The following LINGO2 variants were observed in gnomAD, a reference collection of about 807,000 sequenced individuals.
LINGO2 encodes the protein leucine-rich repeat and immunoglobulin-like domain-containing nogo receptor-interacting protein 2.
In LINGO2, 14 loss-of-function variants were observed where a neutral mutation model predicts 30.6. The ratio of observed to expected loss-of-function variants is 0.46; its 90% CI spans 0.30 to 0.72. The LOEUF is 0.72. LINGO2 is among the 30% of genes least tolerant of loss of function. The probability of loss-of-function intolerance (pLI) is 0.07; values close to 1 mark genes in which losing one functional copy is unlikely to be tolerated. For missense variants in LINGO2, 729 were observed against 751.7 expected (o/e 0.97, Z 0.35); for synonymous variants, 317 against 288.5 (o/e 1.10, Z -1.00).
At chr9:28,150,046 A>G (rs1312139905) in intron 4 of LINGO2, among the ~76,000 whole-genome samples, 4 of 150,732 alleles carry the variant, frequency 2.7e-5, no homozygotes, top group African/African-American at 9.8e-5. Context: ...ACCATCTGGG[A>G]AATGAGGAGC....
chr9:28,360,478 T>C (rs1054248854), intron 3 of LINGO2, among the ~76,000 whole-genome samples: 1 of 152,196 alleles, frequency 6.6e-6, no homozygotes, highest in Non-Finnish European at 1.5e-5. Flanking sequence ...GTCCTTCAGC[T>C]TTTTAGGATC....
intron 1 of LINGO2, among the ~76,000 whole-genome samples, chr9:28,479,920 T>TGTAG (rs1380359457): frequency 4.3e-5 from 3 of 69,290 alleles, no homozygotes; most frequent in African/African-American, 1.8e-4. Context: ...GGTATATATA[T>TGTAG]ATATATATAT....
intron 1 of LINGO2, among the ~76,000 whole-genome samples, chr9:28,642,947 A>C (rs1419384842): frequency 2.0e-5 from 3 of 152,146 alleles, no homozygotes; most frequent in Admixed American, 2.0e-4. Flanking sequence ...AATTAACAAA[A>C]GATCACTGGT....
At chr9:27,985,574 T>A (rs1269462658) in intron 5 of LINGO2, among the ~76,000 whole-genome samples, 1 of 151,734 alleles carries the variant, frequency 6.6e-6, no homozygotes, top group Admixed American at 6.6e-5. Context: ...TTTTTTGACA[T>A]TAATTAGCAA....
chr9:28,812,455 T>C, the LINGO2 span, among the ~76,000 whole-genome samples: 4 of 152,302 alleles, frequency 2.6e-5, no homozygotes, highest in East Asian at 7.7e-4. Context: ...CTATGCCCCA[T>C]TCGCCTGAGA....
At chr9:28,136,612 G>A (rs1827524832) in intron 4 of LINGO2, among the ~76,000 whole-genome samples, 1 of 152,158 alleles carries the variant, frequency 6.6e-6, no homozygotes, top group Non-Finnish European at 1.5e-5. Flanking sequence ...AAGCTTTAGA[G>A]AGAATTCCTC....
At chr9:28,723,790 T>C in the LINGO2 span, among the ~76,000 whole-genome samples, 4 of 152,054 alleles carry the variant, frequency 2.6e-5, no homozygotes, top group Non-Finnish European at 4.4e-5. Flanking sequence ...AGTATGGAAA[T>C]AGGTATGTTG....
intron 4 of LINGO2, among the ~76,000 whole-genome samples, chr9:28,031,682 T>C (rs1823679423): frequency 6.6e-6 from 1 of 152,212 alleles, no homozygotes; most frequent in African/African-American, 2.4e-5. Flanking sequence ...CTGCTCTGTC[T>C]GTGTCGGCTA....
At chr9:29,085,939 C>T in the LINGO2 span, among the ~76,000 whole-genome samples, 2 of 152,028 alleles carry the variant, frequency 1.3e-5, no homozygotes, top group Admixed American at 6.6e-5. Flanking sequence ...GTTCCAAATC[C>T]GTCTTATCAT....
intron 5 of LINGO2, among the ~76,000 whole-genome samples, chr9:27,966,703 G>T (rs193100317): frequency 1.3e-5 from 2 of 152,100 alleles, no homozygotes; most frequent in Admixed American, 1.3e-4. Context: ...AAACCTGCAT[G>T]TTCAGCACAC....
chr9:28,082,648 T>A (rs1264217859), intron 4 of LINGO2, among the ~76,000 whole-genome samples: 1 of 152,020 alleles, frequency 6.6e-6, no homozygotes, highest in Non-Finnish European at 1.5e-5. Context: ...CTAATCAGAG[T>A]TGTATTATTT....
the LINGO2 span, among the ~76,000 whole-genome samples, chr9:29,175,042 T>C: frequency 6.6e-6 from 1 of 152,018 alleles, no homozygotes; most frequent in Admixed American, 6.6e-5. Context: ...GAGGGGACAA[T>C]GAGGTTGGGA....
At chr9:28,327,466 G>A (rs2134328148) in intron 3 of LINGO2, among the ~76,000 whole-genome samples, 1 of 152,300 alleles carries the variant, frequency 6.6e-6, no homozygotes, top group Admixed American at 6.5e-5. Context: ...GAGTTGAGGT[G>A]GAAAATCTCT....
chr9:28,411,075 C>G (rs1279589217), intron 2 of LINGO2, among the ~76,000 whole-genome samples: 1 of 152,042 alleles, frequency 6.6e-6, no homozygotes, highest in Non-Finnish European at 1.5e-5. Context: ...CAAGCTAGAA[C>G]TTATCCTTTT....
At chr9:28,891,854 A>C in the LINGO2 span, among the ~76,000 whole-genome samples, 1 of 151,904 alleles carries the variant, frequency 6.6e-6, no homozygotes, top group Non-Finnish European at 1.5e-5. Context: ...AACATATTTT[A>C]GAATGAGAAT....
chr9:28,095,291 CCAACTACTCAGTCAG>C (rs1826211860), intron 4 of LINGO2, among the ~76,000 whole-genome samples: 1 of 152,006 alleles, frequency 6.6e-6, no homozygotes, highest in Non-Finnish European at 1.5e-5. Flanking sequence ...TCGCCGTATC[CCAACTACTCAGTCAG>C]CAACCGCAGC....
intron 5 of LINGO2, among the ~76,000 whole-genome samples, chr9:27,956,063 C>T (rs574212532): frequency 1.6e-5 from 2 of 122,364 alleles, no homozygotes; most frequent in Non-Finnish European, 3.7e-5. Context: ...CCTCAGCCTC[C>T]TGAGTAGCTG....
At chr9:28,784,832 A>T in the LINGO2 span, among the ~76,000 whole-genome samples, 1 of 151,816 alleles carries the variant, frequency 6.6e-6, no homozygotes, top group South Asian at 2.1e-4. Flanking sequence ...TGCACCTGTA[A>T]TCCTAACTGG....
chr9:28,353,129 A>G (rs1292545436), intron 3 of LINGO2, among the ~76,000 whole-genome samples: 2 of 148,358 alleles, frequency 1.3e-5, no homozygotes, highest in African/African-American at 4.9e-5. Context: ...AAGCAATGGC[A>G]ACAAAAGCCA....
Sources: gnomAD v4.1 joint callset for allele counts (sites outside exome capture counted in the v4.1 genomes callset) on GRCh38, gnomAD v4.1.1 for gene constraint, MANE v1.5 for transcripts, NCBI Gene and HGNC (gene_info 2026-07-23, HGNC 2026-07-21) for gene names.